The following DTNA variants were observed in gnomAD, a reference collection of about 807,000 sequenced individuals.
DTNA encodes dystrophin-related protein 3.
Under a neutral mutation model 100.7 loss-of-function variants are expected in DTNA, and 43 were observed. The observed-to-expected ratio is 0.43, with a 90% CI of 0.33 to 0.55. The LOEUF (loss-of-function observed/expected upper bound fraction) is 0.55. DTNA is among the 20% of genes least tolerant of loss of function. The probability of loss-of-function intolerance (pLI) is 0.04; values close to 1 mark genes in which losing one functional copy is unlikely to be tolerated. For missense variants in DTNA, 798 were observed against 953.9 expected (o/e 0.84, Z 2.15); for synonymous variants, 349 against 347.9 (o/e 1.00, Z -0.04).
chr18:34,811,819 A>C (rs2095491937), intron 5 of DTNA, 140 bp from the exon 6 acceptor site: 1 of 994,150 alleles, frequency 1.0e-6, no homozygotes, highest in Admixed American at 2.2e-5. Context: ...ATATTTCAGC[A>C]TAAAAATTAG....
At chr18:34,860,220 GTTTTTTTTTTTT>G (rs55673388) in intron 16 of DTNA, among the ~76,000 whole-genome samples, 13 of 80,280 alleles carry the variant, frequency 1.6e-4, no homozygotes, top group East Asian at 4.5e-4. Flanking sequence ...CTAATTTTTT[GTTTTTTTTTTTT>G]TTTTTTTTTT....
In DTNA at chr18:34,761,444, G is replaced by A. The variant is rs561542310; in HGVS notation, c.68-4517G>A. On this transcript the variant is annotated intron_variant, in intron 2 of 22. Coordinates refer to ENST00000444659, the MANE Select transcript of DTNA (RefSeq NM_001386795.1). ...GGTTCGTTGATTTGTTGGTTGATTGGTTGTTTGAATGAACAAATGAATGGG... is the reference window on the plus strand; with the variant it reads ...GGTTCGTTGATTTGTTGGTTGATTGATTGTTTGAATGAACAAATGAATGGG... Among the ~76,000 whole-genome samples the A allele has an allele frequency of 1.2e-4, 18 of 152,254 alleles. 1 individual carries two copies. The highest frequency in any genetic ancestry group is 1.2e-4 in the Non-Finnish European group (8 of 68,028).
chr18:34,847,522 G>T (rs1159948473), intron 13 of DTNA, among the ~76,000 whole-genome samples: 1 of 152,142 alleles, frequency 6.6e-6, no homozygotes, highest in East Asian at 1.9e-4. Flanking sequence ...AGTCCCTCTG[G>T]TTCAAGGCTT....
chr18:34,507,498 G>C (rs1169735728), intron 1 of DTNA, among the ~76,000 whole-genome samples: 3 of 152,142 alleles, frequency 2.0e-5, no homozygotes, highest in Admixed American at 1.3e-4. Flanking sequence ...CTACTTGGTA[G>C]GTTAAGTACA....
rs771456078 is a variant in DTNA, at chr18:34,838,794, C to A, written c.1303C>A (p.Leu435Ile). 1 of 1,613,758 alleles carries A rather than the reference C, an allele frequency of 6.2e-7. No individual in the cohort carries two copies. Among genetic ancestry groups the A allele is most frequent in the East Asian group, 2.2e-5 (1 of 44,866 alleles). Residue 435 changes from leucine (L) to isoleucine (I), a missense_variant, in exon 13 of 23, where the codon CTC becomes ATC. Around this residue, in one of 6 missense-constraint regions of DTNA, gnomAD observed 159 missense variants for 201.2 expected, o/e 0.79. Coordinates refer to ENST00000444659, the MANE Select transcript of DTNA (RefSeq NM_001386795.1). ...VADRLADEHV[L>I]IGLYVNMLRN... ...AGACAGGCTAGCTGATGAACATGTT[C>A]TCATCGGGTTGTATGTCAACATGCT...
At chr18:34,645,290 A>C (rs1599524158) in intron 1 of DTNA, among the ~76,000 whole-genome samples, 2 of 152,246 alleles carry the variant, frequency 1.3e-5, no homozygotes, top group Admixed American at 1.3e-4. Context: ...TTAAACACTT[A>C]TAGTGAAACC....
intron 16 of DTNA, among the ~76,000 whole-genome samples, chr18:34,860,110 G>A (rs1409926699): frequency 4.6e-5 from 7 of 151,594 alleles, no homozygotes; most frequent in African/African-American, 7.3e-5. Flanking sequence ...GCAGTGGCAC[G>A]ATCTCGGCTC....
Position 34,612,304 on chromosome 18 carries a change from G to C in DTNA, c.-2+118790G>C, listed in dbSNP as rs569200743. Among the ~76,000 whole-genome samples the C allele has an allele frequency of 2.0e-5, 3 of 152,304 alleles. No individual in the cohort carries two copies. In the East Asian group the frequency reaches 5.8e-4, roughly 29 times the overall value. On this transcript the variant is annotated intron_variant, in intron 1 of 19. Coordinates refer to the DTNA transcript ENST00000283365. Reference sequence around the variant, plus strand: ...CTGAGGCCCAGACCTGCCATGCCAGGTGACCCACATACCACCTAACTCACT... The same window carrying C: ...CTGAGGCCCAGACCTGCCATGCCAGCTGACCCACATACCACCTAACTCACT...
At chr18:34,549,522 C>T (rs2045174874) in intron 1 of DTNA, among the ~76,000 whole-genome samples, 2 of 152,096 alleles carry the variant, frequency 1.3e-5, no homozygotes, top group Admixed American at 1.3e-4. Flanking sequence ...ACTTTTCTGA[C>T]TCTCCTTTTA....
chr18:34,599,596 C>A (rs2051351380), intron 1 of DTNA, among the ~76,000 whole-genome samples: 2 of 152,132 alleles, frequency 1.3e-5, no homozygotes, highest in South Asian at 4.1e-4. Flanking sequence ...CTGAAAAATT[C>A]CATATCCCTT....
chr18:34,502,005 G>C (rs2039979263), intron 1 of DTNA, among the ~76,000 whole-genome samples: 1 of 152,154 alleles, frequency 6.6e-6, no homozygotes. Flanking sequence ...ATCTCTAATA[G>C]AGTCACGTTT....
intron 1 of DTNA, among the ~76,000 whole-genome samples, chr18:34,497,284 A>G (rs1433479980): frequency 6.6e-6 from 1 of 152,204 alleles, no homozygotes; most frequent in East Asian, 1.9e-4. Flanking sequence ...GAGGCTTCAT[A>G]GTGATGGAGA....
At chr18:34,625,969 G>T (rs561862956) in intron 1 of DTNA, among the ~76,000 whole-genome samples, 2 of 152,284 alleles carry the variant, frequency 1.3e-5, no homozygotes, top group East Asian at 3.9e-4. Flanking sequence ...TAGGATGGGG[G>T]TGCTTTGTGA....
intron 4 of DTNA, among the ~76,000 whole-genome samples, chr18:34,795,400 A>G (rs898797177): frequency 1.3e-5 from 2 of 152,256 alleles, no homozygotes; most frequent in African/African-American, 4.8e-5. Context: ...ACAATTTTAC[A>G]ACTAGCATTC....
chr18:34,755,950 C>T lies in DTNA; in HGVS notation c.-1-26C>T, dbSNP rs749105114. On this transcript the variant is annotated intron_variant, in intron 1 of 22. Coordinates refer to ENST00000444659, the MANE Select transcript of DTNA (RefSeq NM_001386795.1). ...TTGCCTCAATAGCGTGAGGATAATACACATTGTAACTATTTTGTCTCATAG... is the reference window on the plus strand; with the variant it reads ...TTGCCTCAATAGCGTGAGGATAATATACATTGTAACTATTTTGTCTCATAG... The T allele has an allele frequency of 6.2e-6, 10 of 1,603,864 alleles. No homozygotes were observed. The African/African-American group carries it at 6.7e-5, about 11-fold the overall frequency.
At chr18:34,496,660 G>A (rs1005011546) in intron 1 of DTNA, among the ~76,000 whole-genome samples, 1 of 152,020 alleles carries the variant, frequency 6.6e-6, no homozygotes, top group African/African-American at 2.4e-5. Context: ...CTGCACAGGG[G>A]GACAAGTTTT....
chr18:34,546,763 CT>C (rs775681576), intron 1 of DTNA, among the ~76,000 whole-genome samples: 28 of 148,456 alleles, frequency 1.9e-4, no homozygotes, highest in South Asian at 1.3e-3. Flanking sequence ...TTCTTTCTTT[CT>C]TTTTTTTTTA....
Position 34,756,034 on chromosome 18 carries a change from G to T in DTNA, c.58G>T (p.Ala20Ser). 1 of 1,613,186 alleles carries T rather than the reference G, an allele frequency of 6.2e-7. No homozygotes were observed. The highest frequency in any genetic ancestry group is 8.5e-7 in the Non-Finnish European group (1 of 1,179,554). Residue 20 changes from alanine to serine, a missense_variant, in exon 2 of 23, where the codon GCA becomes TCA. Around this residue, in one of 6 missense-constraint regions of DTNA, gnomAD observed 197 missense variants for 215.4 expected, o/e 0.91. Coordinates refer to ENST00000444659, the MANE Select transcript of DTNA (RefSeq NM_001386795.1). ...NTMAERRQLF[A>S]EMRAQDLDRI... is the part of the protein sequence containing the mutation. ...CATGGCAGAAAGAAGACAGCTGTTT[G>T]CAGAGATGAGTAAGTATGGATCTTT...
chr18:34,834,261 G>A (rs944531451), intron 11 of DTNA, among the ~76,000 whole-genome samples: 6 of 151,790 alleles, frequency 4.0e-5, no homozygotes, highest in Non-Finnish European at 5.9e-5. Context: ...TTTGGGAGGC[G>A]ACGGCAGGTA....
Sources: gnomAD v4.1 joint callset for allele counts (sites outside exome capture counted in the v4.1 genomes callset) on GRCh38, gnomAD v4.1.1 for gene constraint, gnomAD v4.1.1 regional missense constraint, MANE v1.5 for transcripts, NCBI Gene and HGNC (gene_info 2026-07-23, HGNC 2026-07-21) for gene names.